TOPAZ1: variants seen among roughly 807,000 people sequenced by gnomAD.
TOPAZ1 encodes testis and ovary specific TOPAZ 1, also known as protein TOPAZ1.
A neutral mutation model predicts 172.2 loss-of-function variants in TOPAZ1; 66 were observed. That is an observed-to-expected ratio of 0.38 (90% CI 0.31 to 0.47). The LOEUF (loss-of-function observed/expected upper bound fraction) is 0.47. Ranked by LOEUF, TOPAZ1 falls within the 20% of genes least tolerant of loss-of-function variation. TOPAZ1 has a pLI of 0.99. For synonymous variants in TOPAZ1, 681 were observed against 683.9 expected (o/e 1.00, Z 0.07); for missense variants, 1,822 against 1,972.4 (o/e 0.92, Z 1.44).
chr3:44,276,657 G>A (rs35061952), intron 8 of TOPAZ1, among the ~76,000 whole-genome samples: 1 of 34,878 alleles, frequency 2.9e-5, no homozygotes, highest in Non-Finnish European at 5.2e-5. Flanking sequence ...TTTTTTTCCA[G>A]AATTGCTTGG....
chr3:44,329,347 G>A (rs970309878), intron 19 of TOPAZ1, among the ~76,000 whole-genome samples: 12 of 152,196 alleles, frequency 7.9e-5, no homozygotes, highest in Non-Finnish European at 1.5e-4. Context: ...GCTGGAGCTA[G>A]AGGATCCTTT....
At position 44,244,335 on chromosome 3, in the gene TOPAZ1, C is replaced by G. The variant is rs1408809378; in HGVS notation, c.1829C>G (p.Ser610Cys). 6.4e-7 allele frequency: 1 copy of G among 1,550,470 alleles called. No individual in the cohort carries two copies. Among genetic ancestry groups the G allele is most frequent in the African/African-American group, 1.4e-5 (1 of 73,026 alleles). ...ELSRRGSEVISNTTEDTQLTS... is the reference protein window; with the variant it reads ...ELSRRGSEVICNTTEDTQLTS... ...AGCAGAAGAGGGTCAGAGGTAATTT[C>G]TAACACTACTGAAGATACTCAATTA... Residue 610 changes from serine to cysteine, a missense_variant, in exon 2 of 20, where the codon TCT becomes TGT. Coordinates refer to ENST00000309765, the MANE Select transcript of TOPAZ1 (RefSeq NM_001145030.2).
In TOPAZ1 at chr3:44,242,078, C is replaced by A. The variant is rs573463846; in HGVS notation, c.25C>A (p.Pro9Thr). 1,582 of 1,546,232 alleles carry A rather than the reference C, an allele frequency of 1.0e-3. 1 individual carries two copies. The highest frequency in any genetic ancestry group is 1.3e-3 in the Non-Finnish European group (1,512 of 1,146,380). Residue 9 changes from proline (P) to threonine (T), a missense_variant, in exon 1 of 20, where the codon CCC becomes ACC. Transcript: ENST00000309765. MRRPPPLG[P>T]TTASGPEGNV... The stretch of plus-strand genomic sequence containing the variant: ...CATGCGACGACCTCCACCCCTGGGC[C>A]CCACGACGGCCTCAGGGCCTGAAGG...
chr3:44,286,636 T>C (rs1700082122), intron 9 of TOPAZ1, among the ~76,000 whole-genome samples: 1 of 152,202 alleles, frequency 6.6e-6, no homozygotes. Context: ...TAAATATTTC[T>C]AATAGAAGTA....
In TOPAZ1 at chr3:44,331,819, T is replaced by G; in HGVS notation, c.4887T>G (p.Asn1629Lys). Residue 1629 changes from asparagine (N) to lysine (K), a missense_variant, in exon 20 of 20, where the codon AAT (asparagine) becomes AAG (lysine). Asn to Lys is a moderately conservative substitution (Grantham distance 94). Transcript: ENST00000309765. ...KRCEDNQSRSNDDYQAAVERL... is the reference protein window; with the variant it reads ...KRCEDNQSRSKDDYQAAVERL... ...GTGAAGACAACCAGTCTCGGAGCAA[T>G]GATGATTATCAAGCTGCAGTAGAAA... 6.4e-7 allele frequency: 1 copy of G among 1,552,056 alleles called. No individual in the cohort carries two copies. Among genetic ancestry groups the G allele is most frequent in the Non-Finnish European group, 8.7e-7 (1 of 1,147,070 alleles).
At chr3:44,267,686 A>G (rs1699847599) in intron 6 of TOPAZ1, among the ~76,000 whole-genome samples, 2 of 152,170 alleles carry the variant, frequency 1.3e-5, no homozygotes, top group Non-Finnish European at 2.9e-5. Context: ...TCTAAAATAT[A>G]TTTTGATGGA....
Position 44,309,876 on chromosome 3 carries a change from T to G in TOPAZ1, c.4192T>G (p.Leu1398Val), listed in dbSNP as rs2125701328. The change falls in exon 16 of 20, where the codon TTA (leucine) becomes GTA (valine). Residue 1398 changes from leucine to valine, a missense_variant. Leu to Val is a conservative substitution (Grantham distance 32). Around this residue, in one of 2 missense-constraint regions of TOPAZ1, gnomAD observed 333 missense variants for 481.7 expected, o/e 0.69. Coordinates refer to ENST00000309765, the MANE Select transcript of TOPAZ1 (RefSeq NM_001145030.2). ...TGAATTAAAAATACACTTTACAAGT[T>G]TAAAAGGACTTATAGGGCCTGAGAA... ...LYELKIHFTS[L>V]KGLIGPEKLA... The G allele has an allele frequency of 2.0e-5, 31 of 1,546,920 alleles. No individual in the cohort carries two copies. The highest frequency in any genetic ancestry group is 2.6e-5 in the Non-Finnish European group (30 of 1,143,712).
At chr3:44,278,047 G>T (rs1451960916) in intron 8 of TOPAZ1, among the ~76,000 whole-genome samples, 1 of 152,148 alleles carries the variant, frequency 6.6e-6, no homozygotes, top group Non-Finnish European at 1.5e-5. Flanking sequence ...ATATTGAGGT[G>T]TATTCCTCCT....
chr3:44,296,848 A>G (rs1424318145), intron 12 of TOPAZ1, among the ~76,000 whole-genome samples: 1 of 50,736 alleles, frequency 2.0e-5, no homozygotes, highest in African/African-American at 1.0e-4. Context: ...AGAGAATACC[A>G]AAAAAAAAAA....
rs1483125480 is a variant in TOPAZ1, at chr3:44,245,001, T to C, written c.2495T>C (p.Val832Ala). 1 of 1,551,670 alleles carries C rather than the reference T, an allele frequency of 6.4e-7. No homozygotes were observed. Among genetic ancestry groups the C allele is most frequent in the Admixed American group, 2.0e-5 (1 of 50,996 alleles). Residue 832 changes from valine to alanine, a missense_variant, in exon 2 of 20, where the codon GTG becomes GCG. By Grantham distance (64) the Val-to-Ala change is moderately conservative (BLOSUM62 0). Coordinates refer to ENST00000309765, the MANE Select transcript of TOPAZ1 (RefSeq NM_001145030.2). ...CCNEQETFRP[V>A]SSEVRGRKIT... ...AATGAACAAGAAACATTCCGACCAGTGTCCAGTGAAGTTAGGGGTAGAAAA... is the reference window on the plus strand; with the variant it reads ...AATGAACAAGAAACATTCCGACCAGCGTCCAGTGAAGTTAGGGGTAGAAAA...
chr3:44,272,742 G>A (rs1255516188), intron 8 of TOPAZ1, among the ~76,000 whole-genome samples: 2 of 152,062 alleles, frequency 1.3e-5, no homozygotes, highest in Non-Finnish European at 2.9e-5. Flanking sequence ...TGTATTTTTA[G>A]TAGAGACACA....
chr3:44,272,392 A>C (rs1281348872), intron 8 of TOPAZ1, among the ~76,000 whole-genome samples: 1 of 152,234 alleles, frequency 6.6e-6, no homozygotes, highest in Non-Finnish European at 1.5e-5. Flanking sequence ...TTTTCTGCAC[A>C]TCTTCACCAG....
chr3:44,269,160 T>C (rs973806571), intron 6 of TOPAZ1, 56 bp from the exon 7 acceptor site: 6 of 946,044 alleles, frequency 6.3e-6, no homozygotes, highest in Middle Eastern at 2.1e-4. Context: ...TTCATTGTTA[T>C]GAAGAAAATA....
chr3:44,298,197 C>T (rs1047336493), intron 12 of TOPAZ1, among the ~76,000 whole-genome samples: 3 of 152,158 alleles, frequency 2.0e-5, no homozygotes, highest in Non-Finnish European at 2.9e-5. Flanking sequence ...GGTGCAGTGG[C>T]TCACACCTGT....
intron 15 of TOPAZ1, among the ~76,000 whole-genome samples, chr3:44,308,126 T>C (rs1165439072): frequency 6.6e-6 from 1 of 151,910 alleles, no homozygotes; most frequent in African/African-American, 2.4e-5. Context: ...AATACAAAAA[T>C]TAGCAGGGGG....
chr3:44,254,067 T>C (rs1699666198), intron 2 of TOPAZ1, among the ~76,000 whole-genome samples: 1 of 152,250 alleles, frequency 6.6e-6, no homozygotes, highest in Non-Finnish European at 1.5e-5. Flanking sequence ...TAAGGACATC[T>C]TATCTCATTT....
intron 16 of TOPAZ1, among the ~76,000 whole-genome samples, chr3:44,318,391 G>A (rs1700473957): frequency 6.6e-6 from 1 of 151,562 alleles, no homozygotes; most frequent in Non-Finnish European, 1.5e-5. Context: ...GGCGGAGGTT[G>A]CAGTGAACCA....
intron 6 of TOPAZ1, among the ~76,000 whole-genome samples, chr3:44,268,596 T>C (rs1699858746): frequency 6.6e-6 from 1 of 151,868 alleles, no homozygotes; most frequent in South Asian, 2.1e-4. Flanking sequence ...CTGGTCTCAA[T>C]GGTCTCAAAC....
chr3:44,306,463 G>C (rs1474891348), intron 15 of TOPAZ1, 37 bp downstream of exon 15: 1 of 1,210,476 alleles, frequency 8.3e-7, no homozygotes, highest in Non-Finnish European at 1.2e-6. Context: ...TTGGTATAGA[G>C]ACTACTAGTT....
Sources: allele counts gnomAD v4.1 joint callset (sites outside exome capture counted in the v4.1 genomes callset), GRCh38; gene constraint gnomAD v4.1.1; regional missense constraint gnomAD v4.1.1; transcripts MANE v1.5; gene names NCBI Gene and HGNC (gene_info 2026-07-23, HGNC 2026-07-21).